SMOC1: variants seen among roughly 807,000 people sequenced by gnomAD.
SMOC1 encodes the protein SPARC-related modular calcium-binding protein 1.
Under a neutral mutation model 56.3 loss-of-function variants are expected in SMOC1, and 22 were observed. That is an observed-to-expected ratio of 0.39 (90% confidence interval 0.28 to 0.56). SMOC1 has a LOEUF of 0.56. SMOC1 is among the 20% of genes least tolerant of loss of function. The pLI is 0.61. For missense variants in SMOC1, 509 were observed against 565.4 expected (o/e 0.90, Z 1.01); for synonymous variants, 193 against 215.0 (o/e 0.90, Z 0.89).
At position 69,992,418 on chromosome 14, in the gene SMOC1, T is replaced by C. The variant is rs765052046; in HGVS notation, c.528T>C (p.Asp176=). 3 of 1,614,090 alleles carry C rather than the reference T, an allele frequency of 1.9e-6. No individual in the cohort carries two copies. Among genetic ancestry groups the C allele is most frequent in the East Asian group, 2.2e-5 (1 of 44,882 alleles). The change falls in exon 6 of 12, where the codon GAT becomes GAC. Residue 176 remains aspartate (D), a splice_region_variant and synonymous_variant. Transcript: ENST00000361956. Reference sequence around the variant, plus strand: ...GATTCTTTTTAACCCTCAATTCAGATGACGGGTCTAAGCCGACACCCACGA... The same window carrying C: ...GATTCTTTTTAACCCTCAATTCAGACGACGGGTCTAAGCCGACACCCACGA... ...PLSQGNSGRK[D]DGSKPTPTME... is the part of the protein sequence containing the mutation.
chr14:69,971,001 G>A (rs1356874829), intron 3 of SMOC1, among the ~76,000 whole-genome samples: 2 of 152,178 alleles, frequency 1.3e-5, no homozygotes, highest in Non-Finnish European at 2.9e-5. Context: ...CTGCCTTAAA[G>A]GACCTTTGAG....
chr14:70,010,219 C>G (rs779282823), intron 7 of SMOC1, among the ~76,000 whole-genome samples: 1 of 152,226 alleles, frequency 6.6e-6, no homozygotes. Flanking sequence ...GAAGCCAAGG[C>G]TGGACCTTGT....
intron 1 of SMOC1, among the ~76,000 whole-genome samples, chr14:69,937,408 A>G (rs1004218962): frequency 6.6e-6 from 1 of 152,244 alleles, no homozygotes; most frequent in Non-Finnish European, 1.5e-5. Context: ...GGGTTAGTAC[A>G]TGGAAGAACC....
At chr14:69,956,925 C>A (rs938001518) in intron 3 of SMOC1, among the ~76,000 whole-genome samples, 16 of 152,126 alleles carry the variant, frequency 1.1e-4, no homozygotes, top group African/African-American at 3.9e-4. Flanking sequence ...TTCGAGCTCC[C>A]CAGGCGATGC....
intron 11 of SMOC1, among the ~76,000 whole-genome samples, chr14:70,027,845 T>C (rs1885989476): frequency 6.6e-6 from 1 of 152,166 alleles, no homozygotes; most frequent in African/African-American, 2.4e-5. Flanking sequence ...TAGAGGAACA[T>C]GTCCGGGAAA....
chr14:70,014,763 G>T (rs1885448158), intron 10 of SMOC1, among the ~76,000 whole-genome samples: 1 of 152,164 alleles, frequency 6.6e-6, no homozygotes, highest in African/African-American at 2.4e-5. Context: ...AACTTATATG[G>T]CTCACTGAGG....
chr14:69,928,223 G>A (rs1208504223), intron 1 of SMOC1, among the ~76,000 whole-genome samples: 2 of 152,208 alleles, frequency 1.3e-5, no homozygotes, highest in Non-Finnish European at 2.9e-5. Context: ...AAAGCAGGAG[G>A]TTGGGCTTAC....
intron 3 of SMOC1, among the ~76,000 whole-genome samples, chr14:69,956,391 C>T (rs1233141616): frequency 1.3e-5 from 2 of 150,288 alleles, no homozygotes; most frequent in Non-Finnish European, 2.9e-5. Flanking sequence ...GACTGGCTGC[C>T]AAAATGCCGG....
At chr14:70,023,562 G>C (rs1885813708) in intron 11 of SMOC1, 115 bp downstream of exon 11, 5 of 1,454,972 alleles carry the variant, frequency 3.4e-6, no homozygotes, top group Non-Finnish European at 4.8e-6. Flanking sequence ...TCAATTATTT[G>C]CTGGAAGTGT....
chr14:70,024,316 A>G lies in SMOC1; in HGVS notation c.1291+869A>G, dbSNP rs575027133. Among the ~76,000 whole-genome samples, 4 of 152,206 alleles carry G rather than the reference A, an allele frequency of 2.6e-5. No individual in the cohort carries two copies. The South Asian group carries it at 8.3e-4, about 32-fold the overall frequency. On this transcript the variant is annotated intron_variant, in intron 11 of 11. Coordinates refer to ENST00000361956, the MANE Select transcript of SMOC1 (RefSeq NM_001034852.3). ...GACAGACAGCCTTGAAAAACTTTTG[A>G]AGGAAGCGATGCCTAAACCAGGGCT...
chr14:69,968,561 C>T lies in SMOC1; in HGVS notation c.379-7154C>T, dbSNP rs538805029. On this transcript the variant is annotated intron_variant, in intron 3 of 11. Transcript: ENST00000361956. The stretch of plus-strand genomic sequence containing the variant: ...AAGGAAAACAGAGCAGCTGAAAATA[C>T]TGCTCTGACATGAAGCCATCAGTAG... Among the ~76,000 whole-genome samples, 55 of 152,312 alleles carry T rather than the reference C, an allele frequency of 3.6e-4. No individual in the cohort carries two copies. In the South Asian group the frequency reaches 0.011, roughly 31 times the overall value.
intron 10 of SMOC1, among the ~76,000 whole-genome samples, chr14:70,021,805 G>C (rs28559680): frequency 6.6e-6 from 1 of 152,150 alleles, no homozygotes; most frequent in Admixed American, 6.5e-5. Flanking sequence ...TGTTCACAGG[G>C]GAGGGGTCAG....
intron 3 of SMOC1, among the ~76,000 whole-genome samples, chr14:69,970,083 A>T (rs1883704144): frequency 6.6e-6 from 1 of 152,062 alleles, no homozygotes. Context: ...ACCACCAGAG[A>T]ACATCCCAGG....
At chr14:69,968,379 C>T (rs578109102) in intron 3 of SMOC1, among the ~76,000 whole-genome samples, 125 of 152,196 alleles carry the variant, frequency 8.2e-4, no homozygotes, top group Non-Finnish European at 1.5e-3. Flanking sequence ...TCATCCATAC[C>T]CAATAAACAA....
At chr14:69,948,766 G>T (rs1217425064) in intron 1 of SMOC1, among the ~76,000 whole-genome samples, 1 of 152,186 alleles carries the variant, frequency 6.6e-6, no homozygotes, top group Non-Finnish European at 1.5e-5. Flanking sequence ...CTTAGGATAT[G>T]TTAATAATTG....
In SMOC1 at chr14:69,951,276, T is replaced by C. The variant is rs78209949; in HGVS notation, c.100-862T>C. 3.0e-3 allele frequency among the ~76,000 whole-genome samples: 452 copies of C among 152,296 alleles called. 1 individual carries two copies. Among genetic ancestry groups the C allele is most frequent in the Non-Finnish European group, 5.6e-3 (383 of 68,020 alleles). ...CAGACACCACTCCCATAGTATTTTCTTGGTCAAGCAAGTTTCTGAGGCCAG... is the reference window on the plus strand; with the variant it reads ...CAGACACCACTCCCATAGTATTTTCCTGGTCAAGCAAGTTTCTGAGGCCAG... On this transcript the variant is annotated intron_variant, in intron 1 of 11. Coordinates refer to ENST00000361956, the MANE Select transcript of SMOC1 (RefSeq NM_001034852.3).
intron 1 of SMOC1, among the ~76,000 whole-genome samples, chr14:69,938,177 A>G (rs1181449738): frequency 6.6e-6 from 1 of 152,184 alleles, no homozygotes. Context: ...TAATCCTATG[A>G]CACTGAAATA....
chr14:69,900,662 A>T (rs1237249412), intron 1 of SMOC1, among the ~76,000 whole-genome samples: 1 of 152,242 alleles, frequency 6.6e-6, no homozygotes, highest in Non-Finnish European at 1.5e-5. Context: ...GTTTACTCAC[A>T]GCTTAATAAT....
intron 3 of SMOC1, among the ~76,000 whole-genome samples, chr14:69,969,364 T>C (rs1883678359): frequency 6.6e-6 from 1 of 152,106 alleles, no homozygotes; most frequent in Non-Finnish European, 1.5e-5. Context: ...TGGCATCTAC[T>C]CCGCTTCTGG....
Sources: gnomAD v4.1 joint callset for allele counts (sites outside exome capture counted in the v4.1 genomes callset) on GRCh38, gnomAD v4.1.1 for gene constraint, MANE v1.5 for transcripts, NCBI Gene and HGNC (gene_info 2026-07-23, HGNC 2026-07-21) for gene names.